Variants in NADK observed in about 807,000 individuals in gnomAD.
NADK encodes NAD kinase.
NADK carries 22 observed loss-of-function variants against 49.8 expected under a neutral mutation model. The ratio of observed to expected loss-of-function variants is 0.44; its 90% confidence interval spans 0.32 to 0.63. The LOEUF (loss-of-function observed/expected upper bound fraction) is 0.63. Among genes scored for constraint, NADK ranks in the 30% least tolerant of loss-of-function variants. NADK has a pLI of 0.06. For missense variants in NADK, 438 were observed against 609.4 expected, an observed-to-expected ratio of 0.72 and a Z score of 2.96; for synonymous variants, 268 against 253.7, an observed-to-expected ratio of 1.06 and a Z score of -0.54.
At chr1:1,757,597 A>G (rs959958367) in intron 3 of NADK, among the ~76,000 whole-genome samples, 1 of 151,960 alleles carries the variant, frequency 6.6e-6, no homozygotes, top group African/African-American at 2.4e-5. Context: ...CACGCACCAC[A>G]GCCCTTCCCA....
At chr1:1,759,524 G>A (rs745935867) in intron 3 of NADK, among the ~76,000 whole-genome samples, 18 of 152,242 alleles carry the variant, frequency 1.2e-4, no homozygotes, top group Non-Finnish European at 2.4e-4. Context: ...AACAGGAAGC[G>A]GGTGCCCTCC....
chr1:1,761,279 C>T (rs888549157), intron 3 of NADK, among the ~76,000 whole-genome samples: 1 of 152,220 alleles, frequency 6.6e-6, no homozygotes, highest in African/African-American at 2.4e-5. Context: ...GTGTGAGCCA[C>T]CGCAGCTGAC....
chr1:1,754,489 GACCGAAGTCGCCCCA>G lies in NADK; in HGVS notation c.843+40_843+54del. On this transcript the variant is annotated intron_variant, in intron 8 of 11. Transcript: ENST00000341426. The surrounding 1 kb of genome is among the most constrained non-coding windows in gnomAD (Gnocchi z 4.3). ...CTCTCCGGAAGGTCCTCATCCCTGG[GACCGAAGTCGCCCCA>G]CCCTGGGCCCCTCACCGAGGCCGAG... 2.1e-6 allele frequency: 1 copy of G among 468,756 alleles called. No individual in the cohort carries two copies. The highest frequency in any genetic ancestry group is 3.4e-6 in the Non-Finnish European group (1 of 294,426). 29.0% of individuals were successfully genotyped at this position (468,756 alleles called of 1,614,324 possible).
rs772219400 is a variant in NADK at position 1,756,299 on chromosome 1, C to T, written c.544G>A (p.Gly182Arg). 4 of 1,614,190 alleles carry T rather than the reference C, an allele frequency of 2.5e-6. No individual in the cohort carries two copies. Among genetic ancestry groups the T allele is most frequent in the Non-Finnish European group, 3.4e-6 (4 of 1,180,034 alleles). Residue 182 changes from glycine to arginine, a missense_variant, in exon 6 of 12, where the codon GGG (glycine) becomes AGG (arginine). Transcript: ENST00000341426. Reference sequence around the variant, plus strand: ...GCGTACAGCAGCGTCCCGTCTCCCCCCAGGCAGATGATGAAGTCTATCTGA... The same window carrying T: ...GCGTACAGCAGCGTCCCGTCTCCCCTCAGGCAGATGATGAAGTCTATCTGA... Reference protein sequence around the residue: ...SNQIDFIICLGGDGTLLYASS... With the variant: ...SNQIDFIICLRGDGTLLYASS...
intron 3 of NADK, among the ~76,000 whole-genome samples, chr1:1,760,558 C>T (rs529361170): frequency 7.2e-5 from 11 of 152,326 alleles, no homozygotes; most frequent in South Asian, 6.2e-4. Flanking sequence ...CCGTATCACA[C>T]GGCCGCATTG....
intron 3 of NADK, 138 bp from the exon 4 acceptor site, chr1:1,757,448 C>A: frequency 1.4e-6 from 1 of 731,194 alleles, no homozygotes; most frequent in Admixed American, 2.5e-5. Context: ...TGGCCACGGG[C>A]TCACAGGGCC....
In NADK at chr1:1,753,590, T is replaced by C; in HGVS notation, c.1161A>G (p.Arg387=). 6.2e-7 allele frequency: 1 copy of C among 1,612,680 alleles called. No homozygotes were observed. The highest frequency in any genetic ancestry group is 8.5e-7 in the Non-Finnish European group (1 of 1,179,478). The change falls in exon 11 of 12, where the codon AGA becomes AGG. Residue 387 remains arginine (R), a synonymous_variant. Coordinates refer to ENST00000341426, the MANE Select transcript of NADK (RefSeq NM_023018.5). ...TAWVSFDGRK[R]QEIRHGDSIS... ...ACCTGTCTCCATGGCGGATCTCTTG[T>C]CTCTTCCGTCCATCAAAGGACACCC... is the stretch of plus-strand genomic sequence containing the variant.
chr1:1,752,873 GGAA>G lies in NADK; in HGVS notation c.*28_*30del, dbSNP rs772824545. On this transcript the variant is annotated 3_prime_UTR_variant, in exon 12 of 12. Transcript: ENST00000341426. ...CCCCAGAGGGCGCTTGGAGGGCAGC[GGAA>G]GGATTCGGGCCTGGATAGGGGCTTG... is the stretch of plus-strand genomic sequence containing the variant. 6 of 1,599,240 alleles carry G rather than the reference GGAA, an allele frequency of 3.8e-6. No individual in the cohort carries two copies. Among genetic ancestry groups the G allele is most frequent in the Non-Finnish European group, 4.3e-6 (5 of 1,170,856 alleles).
intron 2 of NADK, among the ~76,000 whole-genome samples, chr1:1,763,357 G>A (rs569094757): frequency 1.1e-4 from 16 of 152,194 alleles, no homozygotes; most frequent in Admixed American, 8.5e-4. Flanking sequence ...TGTGGCTCAC[G>A]CCTGTAATCC....
intron 1 of NADK, among the ~76,000 whole-genome samples, chr1:1,773,719 T>A (rs372394291): frequency 0.65 from 88,799 of 136,660 alleles, 31,366 homozygotes; most frequent in Non-Finnish European, 0.77. Context: ...TGTGTGTGTG[T>A]GTGTGTGTGT....
At chr1:1,768,325 G>T (rs918555791) in intron 1 of NADK, among the ~76,000 whole-genome samples, 1 of 151,748 alleles carries the variant, frequency 6.6e-6, no homozygotes, top group African/African-American at 2.4e-5. Context: ...ATCACTTGAG[G>T]CCAGGAGTTC....
chr1:1,753,045 G>C lies in NADK; in HGVS notation c.1200C>G (p.Thr400=). Residue 400 remains threonine, a synonymous_variant, in exon 12 of 12, where the codon ACC becomes ACG. Coordinates refer to ENST00000341426, the MANE Select transcript of NADK (RefSeq NM_023018.5). ...AGATGGAGGGGAGCGGGTAGCATGAGGTAGTGATGCTGATGCTGGGACGGG... is the reference window on the plus strand; with the variant it reads ...AGATGGAGGGGAGCGGGTAGCATGACGTAGTGATGCTGATGCTGGGACGGG... ...IRHGDSISIT[T]SCYPLPSICV... is the part of the protein sequence containing the mutation. The C allele has an allele frequency of 6.2e-7, 1 of 1,610,762 alleles. No individual in the cohort carries two copies. Among genetic ancestry groups the C allele is most frequent in the Non-Finnish European group, 8.5e-7 (1 of 1,178,716 alleles).
At chr1:1,779,667 TTG>T (rs34618817), upstream of NADK, among the ~76,000 whole-genome samples, 44 of 148,556 alleles carry the variant, frequency 3.0e-4, no homozygotes, top group African/African-American at 4.2e-4. Flanking sequence ...ATATATATAT[TTG>T]TGTGTGTGTG....
chr1:1,758,389 G>T (rs774626473), intron 3 of NADK: 1 of 1,610,878 alleles, frequency 6.2e-7, no homozygotes, highest in South Asian at 1.1e-5. Context: ...ACTGGGAGGC[G>T]TGGGGTCACT....
At chr1:1,763,965 T>A (rs999419540) in intron 2 of NADK, among the ~76,000 whole-genome samples, 4 of 152,090 alleles carry the variant, frequency 2.6e-5, no homozygotes, top group African/African-American at 9.7e-5. Flanking sequence ...TGGGGTGGCC[T>A]GGAGGTACAG....
chr1:1,754,734 G>T lies in NADK; in HGVS notation c.689-36C>A, dbSNP rs1645455316. The T allele has an allele frequency of 1.3e-6, 2 of 1,576,110 alleles. No homozygotes were observed. The highest frequency in any genetic ancestry group is 8.6e-7 in the Non-Finnish European group (1 of 1,162,290). On this transcript the variant is annotated intron_variant, in intron 7 of 11. Coordinates refer to ENST00000341426, the MANE Select transcript of NADK (RefSeq NM_023018.5). The surrounding 1 kb of genome is among the most constrained non-coding windows in gnomAD (Gnocchi z 4.3). ...GCAGGAGTCAGAGGGCATGCATCAG[G>T]GAAGTCAGTGGGGTCAGGGGCCCCA... is the stretch of plus-strand genomic sequence containing the variant.
chr1:1,771,162 T>A (rs903841982), intron 1 of NADK, among the ~76,000 whole-genome samples: 15 of 150,038 alleles, frequency 1.0e-4, no homozygotes, highest in African/African-American at 3.4e-4. Flanking sequence ...ATTAAAAATA[T>A]AAAATATGTG....
At chr1:1,763,878 A>G (rs1388511243) in intron 2 of NADK, among the ~76,000 whole-genome samples, 1 of 152,130 alleles carries the variant, frequency 6.6e-6, no homozygotes, top group Non-Finnish European at 1.5e-5. Context: ...TGCAACAGAA[A>G]TGGTGCATTA....
intron 1 of NADK, among the ~76,000 whole-genome samples, chr1:1,768,495 G>A (rs1175474036): frequency 6.6e-6 from 1 of 152,208 alleles, no homozygotes; most frequent in Non-Finnish European, 1.5e-5. Flanking sequence ...TTGAGGTTTT[G>A]CAGTGAACTG....
Sources: gnomAD v4.1 joint callset for allele counts (sites outside exome capture counted in the v4.1 genomes callset) on GRCh38, gnomAD v4.1.1 for gene constraint, Gnocchi (gnomAD v3.1) non-coding constraint, MANE v1.5 for transcripts, NCBI Gene and HGNC (gene_info 2026-07-23, HGNC 2026-07-21) for gene names.